WBP1L: variants seen among roughly 807,000 people sequenced by gnomAD.
The protein encoded by WBP1L is WW domain binding protein 1 like.
A neutral mutation model predicts 33.7 loss-of-function variants in WBP1L; 17 were observed. The observed-to-expected ratio is 0.50, with a 90% CI of 0.34 to 0.76. The LOEUF (loss-of-function observed/expected upper bound fraction) is 0.76, where lower values mean the gene tolerates loss of function less well. WBP1L is among the 30% of genes least tolerant of loss of function. The probability of loss-of-function intolerance (pLI) is 0.01; values close to 1 mark genes in which losing one functional copy is unlikely to be tolerated. For missense variants in WBP1L, 389 were observed against 469.4 expected (o/e 0.83, Z 1.58); for synonymous variants, 173 against 190.8 (o/e 0.91, Z 0.77).
intron 1 of WBP1L, among the ~76,000 whole-genome samples, chr10:102,765,532 C>T (rs1365035187): frequency 6.6e-6 from 1 of 152,186 alleles, no homozygotes; most frequent in Non-Finnish European, 1.5e-5. Context: ...CCACACCCAG[C>T]CAGGATCCTC....
chr10:102,780,096 C>T (rs1843317047), intron 1 of WBP1L, among the ~76,000 whole-genome samples: 1 of 152,142 alleles, frequency 6.6e-6, no homozygotes, highest in Non-Finnish European at 1.5e-5. Flanking sequence ...CCTCAGGGCC[C>T]TTCTTTCTAA....
chr10:102,751,891 C>T (rs1284515635), intron 1 of WBP1L, among the ~76,000 whole-genome samples: 1 of 152,112 alleles, frequency 6.6e-6, no homozygotes, highest in Non-Finnish European at 1.5e-5. Context: ...ATATGTAAAG[C>T]TCTTGGAATA....
rs534007632 is a variant in WBP1L, at chr10:102,794,891, CCTT to C, written c.91-3100_91-3098del. On this transcript the variant is annotated intron_variant, in intron 1 of 3. Transcript: ENST00000448841. Reference sequence around the variant, plus strand: ...CATATCTCACTATCTCCTGAATCCTCCTTCACCTCTTCCTTGCTAGAGGTACAC... The same window carrying C: ...CATATCTCACTATCTCCTGAATCCTCCACCTCTTCCTTGCTAGAGGTACAC... 2.2e-3 allele frequency among the ~76,000 whole-genome samples: 335 copies of C among 152,272 alleles called. 3 individuals are homozygous for C. The highest frequency in any genetic ancestry group is 3.7e-3 in the East Asian group (19 of 5,180).
Position 102,812,580 on chromosome 10 carries a change from A to G in WBP1L, c.356-15A>G, listed in dbSNP as rs542916014. 52 of 1,554,020 alleles carry G rather than the reference A, an allele frequency of 3.3e-5. No homozygotes were observed. The South Asian group carries it at 5.9e-4, about 17-fold the overall frequency. Reference sequence around the variant, plus strand: ...ACCAGTGCAGTAATTTCTCCTTCCTACCTCCCCATTTTAGGGTTTTTGCCA... The same window carrying G: ...ACCAGTGCAGTAATTTCTCCTTCCTGCCTCCCCATTTTAGGGTTTTTGCCA... On this transcript the variant is annotated splice_polypyrimidine_tract_variant and intron_variant, in intron 3 of 3. Transcript: ENST00000448841.
At chr10:102,803,113 C>A (rs778253462) in intron 2 of WBP1L, among the ~76,000 whole-genome samples, 2 of 152,192 alleles carry the variant, frequency 1.3e-5, no homozygotes, top group Non-Finnish European at 2.9e-5. Context: ...CTTTTCTCTT[C>A]CACGTCTGCA....
intron 1 of WBP1L, among the ~76,000 whole-genome samples, chr10:102,776,959 G>A (rs1274207387): frequency 6.6e-6 from 1 of 152,078 alleles, no homozygotes; most frequent in African/African-American, 2.4e-5. Context: ...AAGGGGTGTG[G>A]AATTGACCCC....
intron 1 of WBP1L, among the ~76,000 whole-genome samples, chr10:102,778,854 T>C (rs541393): frequency 0.52 from 79,161 of 152,012 alleles, 21,972 homozygotes; most frequent in Non-Finnish European, 0.62. Flanking sequence ...TTTATTTTTT[T>C]CCCTTAATCC....
intron 1 of WBP1L, among the ~76,000 whole-genome samples, chr10:102,752,026 G>A (rs1330318694): frequency 6.6e-6 from 1 of 152,252 alleles, no homozygotes; most frequent in Non-Finnish European, 1.5e-5. Flanking sequence ...GAGATCTGGA[G>A]ATTTTGCAAG....
intron 2 of WBP1L, among the ~76,000 whole-genome samples, chr10:102,801,453 G>T (rs1035462561): frequency 1.4e-4 from 21 of 152,208 alleles, no homozygotes; most frequent in Admixed American, 6.5e-4. Flanking sequence ...ATGTGCAATT[G>T]TAACAAGTTC....
chr10:102,812,504 A>C, intron 3 of WBP1L, 91 bp from the exon 4 acceptor site: 17 of 1,430,452 alleles, frequency 1.2e-5, no homozygotes, highest in Non-Finnish European at 1.5e-5. Flanking sequence ...TGGGGTGGGA[A>C]GAGACAATGC....
intron 1 of WBP1L, among the ~76,000 whole-genome samples, chr10:102,776,847 G>T (rs193198328): frequency 2.0e-5 from 3 of 152,230 alleles, no homozygotes; most frequent in Non-Finnish European, 1.5e-5. Context: ...TGTGTTGGGG[G>T]TGGGGTGAGG....
intron 2 of WBP1L, among the ~76,000 whole-genome samples, chr10:102,807,649 G>A (rs1843755537): frequency 6.6e-6 from 1 of 152,098 alleles, no homozygotes; most frequent in African/African-American, 2.4e-5. Flanking sequence ...TGGGATTACA[G>A]GGTGTGAGCC....
At chr10:102,759,203 C>T (rs1056441642) in intron 1 of WBP1L, among the ~76,000 whole-genome samples, 11 of 152,186 alleles carry the variant, frequency 7.2e-5, no homozygotes, top group East Asian at 1.9e-4. Flanking sequence ...CAGACACTGG[C>T]GTTACCGCTT....
At chr10:102,779,544 C>T (rs191508027) in intron 1 of WBP1L, among the ~76,000 whole-genome samples, 9 of 152,096 alleles carry the variant, frequency 5.9e-5, no homozygotes, top group African/African-American at 1.9e-4. Flanking sequence ...TCAAGTGGTC[C>T]GCTCGCCTCG....
intron 2 of WBP1L, among the ~76,000 whole-genome samples, chr10:102,804,422 A>ATTTTTT (rs1564769134): frequency 2.0e-5 from 2 of 98,970 alleles, no homozygotes; most frequent in South Asian, 2.8e-4. Context: ...TTTTTTTTAA[A>ATTTTTT]AAAAAAATTA....
rs78479341 is a variant in WBP1L, at chr10:102,810,037, C to A, written c.338C>A (p.Ala113Glu). Residue 113 changes from alanine to glutamate, a missense_variant, in exon 3 of 4, where the codon GCG becomes GAG. Ala to Glu is a moderately radical substitution (Grantham distance 107, BLOSUM62 -1). Coordinates refer to ENST00000448841, the MANE Select transcript of WBP1L (RefSeq NM_001083913.2). ...IAYREAHNYS[A>E]LPFYFRFLPN... ...TACCGAGAAGCCCACAATTACTCAG[C>A]GCTGCCATTTTATTTCAGTACGTAC... 1 of 1,612,440 alleles carries A rather than the reference C, an allele frequency of 6.2e-7. No individual in the cohort carries two copies. Among genetic ancestry groups the A allele is most frequent in the Non-Finnish European group, 8.5e-7 (1 of 1,179,436 alleles).
chr10:102,798,813 G>C (rs1383750165), intron 2 of WBP1L, among the ~76,000 whole-genome samples: 5 of 152,164 alleles, frequency 3.3e-5, no homozygotes, highest in African/African-American at 7.2e-5. Flanking sequence ...TTCTTGTAAG[G>C]ACCACAGGGG....
chr10:102,810,362 C>T (rs1001201238), intron 3 of WBP1L, among the ~76,000 whole-genome samples: 45 of 140,714 alleles, frequency 3.2e-4, no homozygotes, highest in African/African-American at 1.1e-3. Flanking sequence ...TTCCTCCCTT[C>T]CTCCCTCCCT....
chr10:102,760,865 T>C (rs1843029912), intron 1 of WBP1L, among the ~76,000 whole-genome samples: 1 of 152,100 alleles, frequency 6.6e-6, no homozygotes, highest in African/African-American at 2.4e-5. Context: ...AATATATAAA[T>C]TGCAAATGTT....
Sources: allele counts gnomAD v4.1 joint callset (sites outside exome capture counted in the v4.1 genomes callset), GRCh38; gene constraint gnomAD v4.1.1; transcripts MANE v1.5; gene names NCBI Gene and HGNC (gene_info 2026-07-23, HGNC 2026-07-21).